The following CSTPP1 variants were observed in gnomAD, a reference collection of about 807,000 sequenced individuals.
CSTPP1 encodes UPF0705 protein C11orf49.
At chr11:47,012,193 A>C in the CSTPP1 span, among the ~76,000 whole-genome samples, 4 of 152,000 alleles carry the variant, frequency 2.6e-5, no homozygotes, top group African/African-American at 7.2e-5. Flanking sequence ...GGATTGCTTC[A>C]GCCCAGTGAA....
the CSTPP1 span, among the ~76,000 whole-genome samples, chr11:46,963,289 C>T: frequency 6.7e-6 from 1 of 149,574 alleles, no homozygotes; most frequent in Admixed American, 6.6e-5. Context: ...GAGGAAGTTC[C>T]CTTTTATTCC....
At chr11:47,160,075 G>A in the CSTPP1 span, 1 of 207,848 alleles carries the variant, frequency 4.8e-6, no homozygotes, top group Non-Finnish European at 9.7e-6. Context: ...GCTAAAGCAA[G>A]AGGATTGCTT....
At chr11:47,006,028 T>C in the CSTPP1 span, among the ~76,000 whole-genome samples, 1 of 152,176 alleles carries the variant, frequency 6.6e-6, no homozygotes, top group Non-Finnish European at 1.5e-5. Flanking sequence ...TTGTTTTCAT[T>C]TTACCTTTTT....
At chr11:46,936,977 C>A in the CSTPP1 span, 1 of 1,090,804 alleles carries the variant, frequency 9.2e-7, no homozygotes, top group Non-Finnish European at 1.2e-6. Flanking sequence ...GGCGGAGAGG[C>A]GGGGGTTCCA....
the CSTPP1 span, among the ~76,000 whole-genome samples, chr11:47,072,717 C>CTTATG: frequency 0.33 from 50,208 of 151,466 alleles, 8,750 homozygotes; most frequent in East Asian, 0.71. Context: ...AAAAAATGAA[C>CTTATG]TTATAATTAC....
the CSTPP1 span, among the ~76,000 whole-genome samples, chr11:47,025,618 G>A: frequency 6.6e-6 from 1 of 152,106 alleles, no homozygotes; most frequent in African/African-American, 2.4e-5. Flanking sequence ...CTTCTTAGAT[G>A]AGGTGGTACT....
chr11:46,946,481 A>G, the CSTPP1 span, among the ~76,000 whole-genome samples: 1 of 152,144 alleles, frequency 6.6e-6, no homozygotes, highest in Admixed American at 6.6e-5. Flanking sequence ...ACACGGTGAA[A>G]CCCTGTCTCT....
At chr11:46,940,064 G>T in the CSTPP1 span, among the ~76,000 whole-genome samples, 5 of 152,018 alleles carry the variant, frequency 3.3e-5, no homozygotes, top group African/African-American at 1.2e-4. Context: ...TAGAGATAGG[G>T]TTTCTCCATG....
At chr11:47,075,430 G>C in the CSTPP1 span, among the ~76,000 whole-genome samples, 5,827 of 151,906 alleles carry the variant, frequency 0.038, 177 homozygotes, top group Non-Finnish European at 0.061. Flanking sequence ...AGATGTAAAG[G>C]CACAAGAACA....
the CSTPP1 span, among the ~76,000 whole-genome samples, chr11:47,039,257 T>C: frequency 1.6e-5 from 2 of 127,702 alleles, no homozygotes; most frequent in African/African-American, 5.0e-5. Context: ...TCCCGGCACC[T>C]CAGGATGCCG....
chr11:47,105,151 T>C, the CSTPP1 span, among the ~76,000 whole-genome samples: 24 of 152,334 alleles, frequency 1.6e-4, no homozygotes, highest in Admixed American at 1.5e-3. Flanking sequence ...GTAGCTCATG[T>C]GCCTGCCAGC....
chr11:47,150,808 G>A, the CSTPP1 span, among the ~76,000 whole-genome samples: 2 of 151,822 alleles, frequency 1.3e-5, no homozygotes, highest in East Asian at 1.9e-4. Context: ...GGGAGGCAGG[G>A]GGCAGATGGA....
chr11:46,988,313 G>A, the CSTPP1 span, among the ~76,000 whole-genome samples: 3 of 152,208 alleles, frequency 2.0e-5, no homozygotes, highest in Non-Finnish European at 2.9e-5. Flanking sequence ...AGCAATCTAA[G>A]TGTCCATCAA....
chr11:47,038,955 A>C, the CSTPP1 span, among the ~76,000 whole-genome samples: 2 of 123,426 alleles, frequency 1.6e-5, 1 homozygote, highest in Non-Finnish European at 3.9e-5. Context: ...GCCGCCGGGC[A>C]GAGACGCTCC....
chr11:47,091,572 C>T, the CSTPP1 span, among the ~76,000 whole-genome samples: 1 of 152,090 alleles, frequency 6.6e-6, no homozygotes, highest in African/African-American at 2.4e-5. Context: ...GTGAGGATCT[C>T]CTCCTTTATT....
At chr11:47,115,783 A>AT in the CSTPP1 span, among the ~76,000 whole-genome samples, 259 of 145,808 alleles carry the variant, frequency 1.8e-3, 1 homozygote, top group African/African-American at 6.3e-3. Flanking sequence ...GGATTCATTG[A>AT]TTTTTTTGTA....
chr11:47,016,429 A>G, the CSTPP1 span, among the ~76,000 whole-genome samples: 1 of 151,784 alleles, frequency 6.6e-6, no homozygotes, highest in African/African-American at 2.4e-5. Flanking sequence ...AAACGCTACT[A>G]GAACTAATAA....
At chr11:47,127,948 C>T in the CSTPP1 span, among the ~76,000 whole-genome samples, 1 of 151,862 alleles carries the variant, frequency 6.6e-6, no homozygotes, top group African/African-American at 2.4e-5. Context: ...GTGATCTTGG[C>T]TCACTGCAAC....
At chr11:46,946,829 G>A in the CSTPP1 span, among the ~76,000 whole-genome samples, 4 of 152,184 alleles carry the variant, frequency 2.6e-5, no homozygotes, top group South Asian at 8.3e-4. Flanking sequence ...TGAGCCATGA[G>A]GGCAGGCCTT....
Sources: gnomAD v4.1 joint callset for allele counts (sites outside exome capture counted in the v4.1 genomes callset) on GRCh38, gnomAD v4.1.1 for gene constraint, MANE v1.5 for transcripts, NCBI Gene and HGNC (gene_info 2026-07-23, HGNC 2026-07-21) for gene names.